Variants in KLHDC10 observed in about 807,000 individuals in gnomAD.
KLHDC10 encodes kelch domain containing 10, also known as kelch domain-containing protein 10.
KLHDC10 carries 24 observed loss-of-function variants against 56.1 expected under a neutral mutation model. The observed-to-expected ratio is 0.43, with a 90% CI of 0.31 to 0.60. KLHDC10 has a LOEUF of 0.60. Ranked by LOEUF, KLHDC10 falls within the 20% of genes least tolerant of loss-of-function variation. KLHDC10 has a pLI of 0.11. For missense variants in KLHDC10, 349 were observed against 567.0 expected, an observed-to-expected ratio of 0.62 and a Z score of 3.91; for synonymous variants, 188 against 207.1, an observed-to-expected ratio of 0.91 and a Z score of 0.79.
In KLHDC10 at chr7:130,110,533, G is replaced by C. The variant is rs188738580; in HGVS notation, c.254-5912G>C. Among the ~76,000 whole-genome samples the C allele has an allele frequency of 7.9e-5, 12 of 152,294 alleles. No individual in the cohort carries two copies. The East Asian group carries it at 2.1e-3, about 27-fold the overall frequency. On this transcript the variant is annotated intron_variant, in intron 2 of 9. Coordinates refer to ENST00000335420, the MANE Select transcript of KLHDC10 (RefSeq NM_014997.4). ...AACAAGTAATATTGTGGGCTGGTGT[G>C]AATGGATTGCTTTGGTCTGAGCAAC...
At chr7:130,115,036 T>C (rs1796148619) in intron 2 of KLHDC10, among the ~76,000 whole-genome samples, 1 of 151,332 alleles carries the variant, frequency 6.6e-6, no homozygotes, top group South Asian at 2.1e-4. Flanking sequence ...CACTGTTTTT[T>C]GTTGCTCTCA....
chr7:130,130,836 T>C lies in KLHDC10; in HGVS notation c.*90T>C, dbSNP rs1796391306. 1 of 1,281,320 alleles carries C rather than the reference T, an allele frequency of 7.8e-7. No homozygotes were observed. Among genetic ancestry groups the C allele is most frequent in the African/African-American group, 1.5e-5 (1 of 67,614 alleles). The allele number at this position is 1,281,320 out of a possible 1,614,324, so 79.4% of individuals were successfully genotyped here. On this transcript the variant is annotated 3_prime_UTR_variant, in exon 10 of 10. Transcript: ENST00000335420. This position sits in a 1 kb window ranked among gnomAD's most constrained non-coding sequence, Gnocchi z 4.2. ...AGTGTAGAATGTGCTACAAAGAGGA[T>C]TGGTTACCCTGATCAAGGCCTTATT...
intron 2 of KLHDC10, among the ~76,000 whole-genome samples, chr7:130,099,444 C>A (rs1244128250): frequency 2.0e-5 from 3 of 152,106 alleles, no homozygotes; most frequent in Admixed American, 1.3e-4. Flanking sequence ...GATGAGGTAG[C>A]ATGCTATGGG....
At chr7:130,089,301 T>G (rs1034308560) in intron 1 of KLHDC10, among the ~76,000 whole-genome samples, 3 of 151,928 alleles carry the variant, frequency 2.0e-5, no homozygotes, top group Non-Finnish European at 2.9e-5. Context: ...CTCTACAATA[T>G]AAACAAAAAT....
intron 1 of KLHDC10, among the ~76,000 whole-genome samples, chr7:130,086,856 C>T (rs1795698216): frequency 6.6e-6 from 1 of 152,172 alleles, no homozygotes; most frequent in African/African-American, 2.4e-5. Flanking sequence ...TTAAAGTTTT[C>T]CTCAAGTTGT....
chr7:130,120,617 A>G lies in KLHDC10; in HGVS notation c.476-132A>G. 1.2e-6 allele frequency: 1 copy of G among 866,158 alleles called. No individual in the cohort carries two copies. Among genetic ancestry groups the G allele is most frequent in the Admixed American group, 2.7e-5 (1 of 37,062 alleles). The allele number at this position is 866,158 out of a possible 1,614,324, so 53.7% of individuals were successfully genotyped here. A position where few individuals can be genotyped will look rare whatever the true frequency, so the allele number is the denominator to read the frequency against. On this transcript the variant is annotated intron_variant, in intron 3 of 9. Transcript: ENST00000335420. This position sits in a 1 kb window ranked among gnomAD's most constrained non-coding sequence, Gnocchi z 5.1. ...TTTGGCACGCTCAGCTACTAGTTAG[A>G]TGTCAGTGGTTTGAGCTATCTTATG...
Position 130,075,803 on chromosome 7 carries a change from T to TA in KLHDC10, c.166+4996dup, listed in dbSNP as rs796440571. The stretch of plus-strand genomic sequence containing the variant: ...AGTGCTGTCTTCCTTGTTCTTTTGG[T>TA]AACGGAGTGGGTTATCAAACGTTAT... On this transcript the variant is annotated intron_variant, in intron 1 of 9. Coordinates refer to ENST00000335420, the MANE Select transcript of KLHDC10 (RefSeq NM_014997.4). 1.3e-3 allele frequency among the ~76,000 whole-genome samples: 191 copies of TA among 152,312 alleles called. 1 individual carries two copies. Among genetic ancestry groups the TA allele is most frequent in the African/African-American group, 4.3e-3 (178 of 41,576 alleles).
At chr7:130,074,220 C>T (rs926483093) in intron 1 of KLHDC10, among the ~76,000 whole-genome samples, 2 of 152,160 alleles carry the variant, frequency 1.3e-5, no homozygotes, top group Non-Finnish European at 1.5e-5. Context: ...ATCCAAGAAC[C>T]TTCTTACTCC....
chr7:130,070,567 A>G lies in KLHDC10; in HGVS notation c.-77A>G. 8.1e-7 allele frequency: 1 copy of G among 1,231,992 alleles called. No individual in the cohort carries two copies. Among genetic ancestry groups the G allele is most frequent in the Non-Finnish European group, 1.0e-6 (1 of 973,192 alleles). 76.3% of individuals were successfully genotyped at this position (1,231,992 alleles called of 1,614,324 possible). ...CCCCTGTCTCCTGGGTCTCTGGAGG[A>G]GCCCAGGAAGGAGGCTCCGCTGGTT... On this transcript the variant is annotated 5_prime_UTR_variant, in exon 1 of 10. Transcript: ENST00000335420.
At chr7:130,121,227 G>A (rs1375299085) in intron 4 of KLHDC10, among the ~76,000 whole-genome samples, 1 of 151,984 alleles carries the variant, frequency 6.6e-6, no homozygotes, top group Non-Finnish European at 1.5e-5. Context: ...GTGAGAGATT[G>A]GGCTTCACTA....
At chr7:130,127,201 G>A (rs1796326379) in intron 7 of KLHDC10, among the ~76,000 whole-genome samples, 1 of 152,294 alleles carries the variant, frequency 6.6e-6, no homozygotes, top group South Asian at 2.1e-4. Context: ...TTTGTTTCCG[G>A]CACCTTAGCA....
In KLHDC10 at chr7:130,094,503, A is replaced by T. The variant is rs192775224; in HGVS notation, c.167-2418A>T. Among the ~76,000 whole-genome samples, 475 of 152,274 alleles carry T rather than the reference A, an allele frequency of 3.1e-3. 3 individuals are homozygous for T. The highest frequency in any genetic ancestry group is 0.011 in the African/African-American group (451 of 41,564). ...GCTTGGAAAATAAAGACCATCATAA[A>T]GGGGAAAAAACAAAAATAATTCATT... On this transcript the variant is annotated intron_variant, in intron 1 of 9. Transcript: ENST00000335420.
chr7:130,094,601 A>T (rs1182709435), intron 1 of KLHDC10, among the ~76,000 whole-genome samples: 1 of 152,162 alleles, frequency 6.6e-6, no homozygotes, highest in African/African-American at 2.4e-5. Flanking sequence ...TTCTGAATAT[A>T]TAAAAATACT....
In KLHDC10 at chr7:130,120,798, A is replaced by G; in HGVS notation, c.525A>G (p.Pro175=). The G allele has an allele frequency of 6.2e-7, 1 of 1,614,130 alleles. No homozygotes were observed. Among genetic ancestry groups the G allele is most frequent in the Non-Finnish European group, 8.5e-7 (1 of 1,179,984 alleles). ...TAGTATTTGGAGGTACGGGCATCCC[A>G]TTTGGAGAGAGCAACGGCAATGACG... ...NLLVFGGTGI[P]FGESNGNDVH... Residue 175 remains proline (P), a synonymous_variant, in exon 4 of 10, where the codon CCA becomes CCG. Coordinates refer to ENST00000335420, the MANE Select transcript of KLHDC10 (RefSeq NM_014997.4). The surrounding 1 kb of genome is among the most constrained non-coding windows in gnomAD (Gnocchi z 5.1).
In KLHDC10 at chr7:130,070,844, G is replaced by A. The variant is rs370929458; in HGVS notation, c.166+35G>A. The A allele has an allele frequency of 7.0e-6, 9 of 1,289,456 alleles. No individual in the cohort carries two copies. The African/African-American group carries it at 1.2e-4, about 17-fold the overall frequency. 79.9% of individuals were successfully genotyped at this position (1,289,456 alleles called of 1,614,324 possible). ...GGGACAGGGTCCTGACCGCTTGCGG[G>A]CGGGAAGGTGACTGCTACCTTTTCT... On this transcript the variant is annotated intron_variant, in intron 1 of 9. Coordinates refer to ENST00000335420, the MANE Select transcript of KLHDC10 (RefSeq NM_014997.4).
At chr7:130,072,177 T>C (rs369812171) in intron 1 of KLHDC10, among the ~76,000 whole-genome samples, 1 of 152,214 alleles carries the variant, frequency 6.6e-6, no homozygotes, top group African/African-American at 2.4e-5. Flanking sequence ...TATTGGCAGC[T>C]TAGAAGATGA....
chr7:130,119,843 TAA>T (rs72549928), intron 3 of KLHDC10, among the ~76,000 whole-genome samples: 8 of 76,966 alleles, frequency 1.0e-4, no homozygotes, highest in African/African-American at 1.5e-4. Context: ...GACTCCGTCT[TAA>T]AAAAAAAAAA....
chr7:130,074,557 G>T (rs989323361), intron 1 of KLHDC10, among the ~76,000 whole-genome samples: 1 of 151,706 alleles, frequency 6.6e-6, no homozygotes, highest in Non-Finnish European at 1.5e-5. Flanking sequence ...AGTTTGGTTA[G>T]TGTGGTTCAA....
chr7:130,114,759 T>A (rs981621716), intron 2 of KLHDC10, among the ~76,000 whole-genome samples: 2 of 151,918 alleles, frequency 1.3e-5, no homozygotes, highest in Admixed American at 6.6e-5. Context: ...ACTGGAAGGG[T>A]TCATTTGATG....
Sources: gnomAD v4.1 joint callset for allele counts (sites outside exome capture counted in the v4.1 genomes callset) on GRCh38, gnomAD v4.1.1 for gene constraint, Gnocchi (gnomAD v3.1) non-coding constraint, MANE v1.5 for transcripts, NCBI Gene and HGNC (gene_info 2026-07-23, HGNC 2026-07-21) for gene names.